Variants in UQCC1 observed in about 807,000 individuals in gnomAD.
UQCC1 encodes the protein bFGF-repressed Zic-binding protein.
In UQCC1, 38 loss-of-function variants were observed where a neutral mutation model predicts 48.0. That is an observed-to-expected ratio of 0.79 (90% confidence interval 0.61 to 1.04). The LOEUF is 1.04. Ranked by LOEUF, UQCC1 falls within the 50% of genes least tolerant of loss-of-function variation. UQCC1 has a pLI of 0.00. For missense variants in UQCC1, 368 were observed against 381.8 expected (o/e 0.96, Z 0.30); for synonymous variants, 111 against 129.2 (o/e 0.86, Z 0.95).
At chr20:35,391,670 G>A (rs1409819731) in intron 2 of UQCC1, among the ~76,000 whole-genome samples, 3 of 150,532 alleles carry the variant, frequency 2.0e-5, no homozygotes, top group Non-Finnish European at 3.0e-5. Flanking sequence ...GATTGGAGAC[G>A]ACTAAGAATA....
intron 6 of UQCC1, among the ~76,000 whole-genome samples, chr20:35,360,387 G>A (rs2061592922): frequency 6.6e-6 from 1 of 152,114 alleles, no homozygotes; most frequent in African/African-American, 2.4e-5. Flanking sequence ...CGCTGAGACT[G>A]GCACCAGTCT....
At chr20:35,389,285 A>C (rs77035928) in intron 2 of UQCC1, among the ~76,000 whole-genome samples, 3,701 of 152,258 alleles carry the variant, frequency 0.024, 143 homozygotes, top group African/African-American at 0.086. Flanking sequence ...TTGGAAAATG[A>C]ATTATAAGCC....
At chr20:35,354,228 A>G (rs1443163725) in intron 6 of UQCC1, among the ~76,000 whole-genome samples, 2 of 152,184 alleles carry the variant, frequency 1.3e-5, no homozygotes, top group Admixed American at 1.3e-4. Context: ...CTTTAATAGA[A>G]CATCATTTTC....
intron 1 of UQCC1, among the ~76,000 whole-genome samples, chr20:35,402,344 C>T (rs1204657): frequency 0.05 from 7,560 of 151,898 alleles, 318 homozygotes; most frequent in African/African-American, 0.11. Context: ...TCTGGGAGGC[C>T]GAGGCAGGCA....
chr20:35,346,760 C>T, intron 7 of UQCC1: 2 of 443,460 alleles, frequency 4.5e-6, no homozygotes, highest in South Asian at 2.6e-5. Flanking sequence ...GAAGACAGTG[C>T]AGGCCCCATA....
chr20:35,395,980 C>CTTTTTTT (rs1000858624), intron 1 of UQCC1, among the ~76,000 whole-genome samples: 11 of 99,204 alleles, frequency 1.1e-4, no homozygotes, highest in East Asian at 3.5e-4. Context: ...TTTGCAATGT[C>CTTTTTTT]TTTTTTTTTT....
intron 5 of UQCC1, among the ~76,000 whole-genome samples, chr20:35,368,381 T>G (rs77019012): frequency 0.011 from 1,727 of 152,298 alleles, 33 homozygotes; most frequent in African/African-American, 0.036. Context: ...TATCCCAAAT[T>G]GACAGGTAAG....
intron 9 of UQCC1, among the ~76,000 whole-genome samples, chr20:35,305,978 C>T (rs976042360): frequency 3.3e-5 from 5 of 152,188 alleles, no homozygotes; most frequent in East Asian, 1.9e-4. Context: ...ATGTCCTCTT[C>T]GCTGCCAGTC....
chr20:35,335,749 G>C (rs2061308848), intron 7 of UQCC1, among the ~76,000 whole-genome samples: 1 of 152,102 alleles, frequency 6.6e-6, no homozygotes, highest in African/African-American at 2.4e-5. Context: ...GTGGTGATGG[G>C]TACATAATGC....
At chr20:35,402,824 G>A (rs2146537453) in intron 1 of UQCC1, among the ~76,000 whole-genome samples, 1 of 151,692 alleles carries the variant, frequency 6.6e-6, no homozygotes, top group Non-Finnish European at 1.5e-5. Flanking sequence ...CCAGTACTTT[G>A]GGAGGCCGAG....
chr20:35,367,136 T>C (rs1057262166), intron 5 of UQCC1, among the ~76,000 whole-genome samples: 18 of 151,684 alleles, frequency 1.2e-4, no homozygotes, highest in Non-Finnish European at 2.5e-4. Context: ...CCATTGAATT[T>C]AGTCAGACCA....
intron 6 of UQCC1, among the ~76,000 whole-genome samples, chr20:35,360,114 T>C (rs2061589978): frequency 6.6e-6 from 1 of 152,212 alleles, no homozygotes; most frequent in Admixed American, 6.5e-5. Context: ...ACTTAGGGTA[T>C]GCAATGCTGG....
chr20:35,388,564 C>T (rs1449956235), intron 2 of UQCC1, among the ~76,000 whole-genome samples: 1 of 152,088 alleles, frequency 6.6e-6, no homozygotes, highest in East Asian at 1.9e-4. Flanking sequence ...AGGCATGAGC[C>T]ACTGTGCCCG....
intron 2 of UQCC1, chr20:35,392,407 G>T: frequency 2.8e-6 from 2 of 711,262 alleles, no homozygotes; most frequent in Non-Finnish European, 4.3e-6. Context: ...TAAATGCTTT[G>T]CTATAATGTT....
At chr20:35,371,535 T>C (rs1256519776) in intron 5 of UQCC1, among the ~76,000 whole-genome samples, 2 of 151,644 alleles carry the variant, frequency 1.3e-5, no homozygotes, top group Non-Finnish European at 2.9e-5. Flanking sequence ...TTTCACCATG[T>C]TGGCCTGGCT....
rs2061438638 is a variant in UQCC1 at position 35,347,030 on chromosome 20, GCGGAA to G, written c.573+129_573+133del. ...CACAGAGGCAGAAAAAGTGACTTTA[GCGGAA>G]CTGCCACTTGATATTAGGCAGCATT... On this transcript the variant is annotated intron_variant, in intron 7 of 9. Transcript: ENST00000374385. The G allele has an allele frequency of 1.9e-6, 3 of 1,592,396 alleles. No homozygotes were observed. The South Asian group carries it at 3.4e-5, about 18-fold the overall frequency.
At chr20:35,384,543 G>A in intron 2 of UQCC1, 1 of 415,472 alleles carries the variant, frequency 2.4e-6, no homozygotes, top group Non-Finnish European at 4.7e-6. Flanking sequence ...TTGGGAGGCT[G>A]AGGTGGGAGG....
intron 7 of UQCC1, among the ~76,000 whole-genome samples, chr20:35,321,292 G>GCA: frequency 1.3e-5 from 2 of 150,710 alleles, no homozygotes; most frequent in East Asian, 3.9e-4. Flanking sequence ...GTGCGCGCGC[G>GCA]CGCGCGCACG....
intron 3 of UQCC1, among the ~76,000 whole-genome samples, chr20:35,383,413 A>C (rs1268018594): frequency 6.6e-6 from 1 of 152,212 alleles, no homozygotes; most frequent in South Asian, 2.1e-4. Flanking sequence ...TTAGGTCCAA[A>C]TATTCAGGCT....
Sources: gnomAD v4.1 joint callset for allele counts (sites outside exome capture counted in the v4.1 genomes callset) on GRCh38, gnomAD v4.1.1 for gene constraint, MANE v1.5 for transcripts, NCBI Gene and HGNC (gene_info 2026-07-23, HGNC 2026-07-21) for gene names.